Variants in FTSJ3 observed in about 807,000 individuals in gnomAD.
The protein encoded by FTSJ3 is FtsJ RNA 2'-O-methyltransferase 3.
FTSJ3 carries 46 observed loss-of-function variants against 111.5 expected under a neutral mutation model. The ratio of observed to expected loss-of-function variants is 0.41; its 90% CI spans 0.33 to 0.53. FTSJ3 has a LOEUF of 0.53. Among genes scored for constraint, FTSJ3 ranks in the 20% least tolerant of loss-of-function variants. The pLI is 0.19. For missense variants in FTSJ3, 1,075 were observed against 1,063.8 expected (o/e 1.01, Z -0.15); for synonymous variants, 408 against 383.0 (o/e 1.07, Z -0.76).
In FTSJ3 at chr17:63,819,609, C is replaced by T; in HGVS notation, c.*193G>A. ...AGTTCAGCAGTGTTTTCATGGGAGA[C>T]CTTCAGGCAGGCAGGAGGACATCCT... On this transcript the variant is annotated 3_prime_UTR_variant, in exon 21 of 21. Transcript: ENST00000427159. 1 of 584,300 alleles carries T rather than the reference C, an allele frequency of 1.7e-6. No individual in the cohort carries two copies. The highest frequency in any genetic ancestry group is 2.8e-5 in the East Asian group (1 of 35,894). 36.2% of individuals were successfully genotyped at this position (584,300 alleles called of 1,614,324 possible). A position where few individuals can be genotyped will look rare whatever the true frequency, so the allele number is the denominator to read the frequency against.
At position 63,823,903 on chromosome 17, in the gene FTSJ3, C is replaced by T; in HGVS notation, c.1204G>A (p.Glu402Lys). The T allele has an allele frequency of 6.2e-7, 1 of 1,614,222 alleles. No homozygotes were observed. Residue 402 changes from glutamate to lysine, a missense_variant, in exon 13 of 21, where the codon GAG becomes AAG. Coordinates refer to ENST00000427159, the MANE Select transcript of FTSJ3 (RefSeq NM_017647.4). ...REQRKQRERV[E>K]LKMDLPGVSI... ...ACCCCAGGCAGATCCATCTTCAGCT[C>T]CACACGCTCCCGCTGCTTTCTCTGC...
At chr17:63,824,986 C>T in intron 8 of FTSJ3, 57 bp from the exon 9 acceptor site, 2 of 1,583,596 alleles carry the variant, frequency 1.3e-6, no homozygotes, top group Non-Finnish European at 1.7e-6. Flanking sequence ...CTGTAGGACC[C>T]ACCAGGCCCA....
chr17:63,826,760 C>T (rs956209806), intron 2 of FTSJ3, 76 bp downstream of exon 2: 9 of 1,561,210 alleles, frequency 5.8e-6, no homozygotes, highest in Non-Finnish European at 7.9e-6. Context: ...AGGAGAGGTA[C>T]ATAATGGTCG....
intron 5 of FTSJ3, 159 bp from the exon 6 acceptor site, chr17:63,825,794 C>G (rs1352927770): frequency 6.1e-6 from 4 of 658,698 alleles, no homozygotes; most frequent in African/African-American, 1.8e-5. Context: ...TCTCTACCTT[C>G]ATGGAGATTA....
At chr17:63,823,414 T>C (rs1300272884) in intron 13 of FTSJ3, among the ~76,000 whole-genome samples, 2 of 152,058 alleles carry the variant, frequency 1.3e-5, no homozygotes, top group African/African-American at 4.8e-5. Flanking sequence ...GCTAACACGG[T>C]GAAACCCCGT....
At position 63,826,042 on chromosome 17, in the gene FTSJ3, G is replaced by A. The variant is rs770575313; in HGVS notation, c.300+14C>T. ...TCCGTATAAAGGGGGAAGGAAGAGA[G>A]AGACTCCTATTACCTGCCTACAACG... is the stretch of plus-strand genomic sequence containing the variant. On this transcript the variant is annotated intron_variant, in intron 5 of 20. Transcript: ENST00000427159. 1 of 1,586,958 alleles carries A rather than the reference G, an allele frequency of 6.3e-7. No individual in the cohort carries two copies. The highest frequency in any genetic ancestry group is 8.6e-7 in the Non-Finnish European group (1 of 1,158,612).
chr17:63,821,635 A>C lies in FTSJ3; in HGVS notation c.1605T>G (p.Phe535Leu). The change falls in exon 16 of 21, where the codon TTT becomes TTG. Residue 535 changes from phenylalanine to leucine, a missense_variant. Phe to Leu is a conservative substitution (Grantham distance 22). Transcript: ENST00000427159. ...CATCGGCATCGTCCTCGATCCCAGC[A>C]AAGCTGCCCTGTGATAGGAGAACAT... Reference protein sequence around the residue: ...QANLWFSKGSFAGIEDDADEA... With the variant: ...QANLWFSKGSLAGIEDDADEA... 6.2e-7 allele frequency: 1 copy of C among 1,613,420 alleles called. No homozygotes were observed. The highest frequency in any genetic ancestry group is 8.5e-7 in the Non-Finnish European group (1 of 1,179,392).
At position 63,819,887 on chromosome 17, in the gene FTSJ3, T is replaced by C. The variant is rs774244917; in HGVS notation, c.2459A>G (p.His820Arg). Residue 820 changes from histidine to arginine, a missense_variant, in exon 21 of 21, where the codon CAT becomes CGT. His to Arg is a conservative substitution (Grantham distance 29, BLOSUM62 0). This residue lies in a region of FTSJ3 where 867 missense variants were observed against 796.9 expected (regional missense o/e 1.09). Transcript: ENST00000427159. The part of the protein sequence containing the change: ...KVRRPAGVRG[H>R]FKVVDSRMKK... ...CATCCTTGAGTCCACCACCTTGAAA[T>C]GACCTCTGACTCCAGCTGGCCGGCG... 6.2e-7 allele frequency: 1 copy of C among 1,614,186 alleles called. No homozygotes were observed. The highest frequency in any genetic ancestry group is 1.7e-5 in the Admixed American group (1 of 60,034).
rs1037849464 is a variant in FTSJ3 at position 63,823,850 on chromosome 17, G to A, written c.1257C>T (p.Gly419=). Residue 419 remains glycine, a synonymous_variant, in exon 13 of 21, where the codon GGC becomes GGT. Transcript: ENST00000427159. ...CCCGGATGGTGCTCAAGGAGAACAT[G>A]CCAGTCTCCCCCTCGTCTGCAATGG... ...GVSIADEGET[G]MFSLSTIRGH... 4.3e-6 allele frequency: 7 copies of A among 1,613,986 alleles called. No homozygotes were observed. The African/African-American group carries it at 5.3e-5, about 12-fold the overall frequency.
chr17:63,824,755 A>C lies in FTSJ3; in HGVS notation c.817-18T>G. 3.7e-6 allele frequency: 6 copies of C among 1,610,626 alleles called. No homozygotes were observed. The highest frequency in any genetic ancestry group is 5.1e-6 in the Non-Finnish European group (6 of 1,176,848). ...ACCATGATCTGTTTGGGAGGATGGA[A>C]AGGTGTCAGGGGAGATCCTCAGGCC... On this transcript the variant is annotated intron_variant, in intron 9 of 20. Transcript: ENST00000427159.
intron 17 of FTSJ3, 36 bp downstream of exon 17, chr17:63,820,994 G>T (rs1288895933): frequency 6.2e-7 from 1 of 1,608,658 alleles, no homozygotes; most frequent in Non-Finnish European, 8.5e-7. Context: ...GACTTCCAGT[G>T]GTCTTTTCTC....
Position 63,827,442 on chromosome 17 carries a change from T to G in FTSJ3, c.-417A>C. 1 of 1,551,676 alleles carries G rather than the reference T, an allele frequency of 6.4e-7. No homozygotes were observed. Among genetic ancestry groups the G allele is most frequent in the Non-Finnish European group, 8.7e-7 (1 of 1,146,970 alleles). On this transcript the variant is annotated 5_prime_UTR_variant, in exon 1 of 21. Transcript: ENST00000427159. Reference sequence around the variant, plus strand: ...GGTCCCAATCCTCCGCTTCCGCGCTTGCGCGCCAAGACGGCTCGGATGCCG... The same window carrying G: ...GGTCCCAATCCTCCGCTTCCGCGCTGGCGCGCCAAGACGGCTCGGATGCCG...
At position 63,819,571 on chromosome 17, in the gene FTSJ3, T is replaced by C; in HGVS notation, c.*231A>G. The C allele has an allele frequency of 2.0e-6, 1 of 497,822 alleles. No individual in the cohort carries two copies. The highest frequency in any genetic ancestry group is 3.6e-6 in the Non-Finnish European group (1 of 281,384). The allele number at this position is 497,822 out of a possible 1,614,324, so 30.8% of individuals were successfully genotyped here. A position where few individuals can be genotyped will look rare whatever the true frequency, so the allele number is the denominator to read the frequency against. ...CTTTAACGGTTTAAAAAAAGGGTCA[T>C]GAGTGTCAACACAGTTCAGCAGTGT... On this transcript the variant is annotated 3_prime_UTR_variant, in exon 21 of 21. Transcript: ENST00000427159.
At position 63,823,949 on chromosome 17, in the gene FTSJ3, C is replaced by G; in HGVS notation, c.1158G>C (p.Lys386Asn). ...KAQEVAELKR[K>N]KKKLLREQRK... Reference sequence around the variant, plus strand: ...TCTGCTCACGCAACAGCTTCTTTTTCTTCCTGAGGGGGTGGATTGAGGGAG... The same window carrying G: ...TCTGCTCACGCAACAGCTTCTTTTTGTTCCTGAGGGGGTGGATTGAGGGAG... Residue 386 changes from lysine to asparagine, a missense_variant, in exon 13 of 21, where the codon AAG becomes AAC. Around this residue, in one of 2 missense-constraint regions of FTSJ3, gnomAD observed 867 missense variants for 796.9 expected, o/e 1.09. Transcript: ENST00000427159. The G allele has an allele frequency of 6.2e-7, 1 of 1,614,222 alleles. No individual in the cohort carries two copies. The highest frequency in any genetic ancestry group is 8.5e-7 in the Non-Finnish European group (1 of 1,180,034).
In FTSJ3 at chr17:63,827,407, C is replaced by T; in HGVS notation, c.-382G>A. On this transcript the variant is annotated 5_prime_UTR_variant, in exon 1 of 21. Coordinates refer to ENST00000427159, the MANE Select transcript of FTSJ3 (RefSeq NM_017647.4). ...CCATTGACCCGGAATTCTTCTCTGC[C>T]TGGTCTTCAGGTCCCAATCCTCCGC... The T allele has an allele frequency of 3.2e-6, 5 of 1,543,174 alleles. No homozygotes were observed. The highest frequency in any genetic ancestry group is 4.4e-6 in the Non-Finnish European group (5 of 1,139,456).
chr17:63,823,423 G>A (rs1326775877), intron 13 of FTSJ3, among the ~76,000 whole-genome samples: 1 of 152,046 alleles, frequency 6.6e-6, no homozygotes, highest in African/African-American at 2.4e-5. Context: ...GTGAAACCCC[G>A]TCTCTACTAA....
chr17:63,823,343 C>G (rs1000752852), intron 13 of FTSJ3, among the ~76,000 whole-genome samples: 3 of 152,204 alleles, frequency 2.0e-5, no homozygotes, highest in Non-Finnish European at 4.4e-5. Flanking sequence ...CGCCTGTAAT[C>G]CCAGCACTTT....
At position 63,826,041 on chromosome 17, in the gene FTSJ3, A is replaced by C; in HGVS notation, c.300+15T>G. 1 of 1,584,608 alleles carries C rather than the reference A, an allele frequency of 6.3e-7. No individual in the cohort carries two copies. Among genetic ancestry groups the C allele is most frequent in the Non-Finnish European group, 8.6e-7 (1 of 1,156,640 alleles). On this transcript the variant is annotated intron_variant, in intron 5 of 20. Coordinates refer to ENST00000427159, the MANE Select transcript of FTSJ3 (RefSeq NM_017647.4). ...TTCCGTATAAAGGGGGAAGGAAGAG[A>C]GAGACTCCTATTACCTGCCTACAAC...
Position 63,821,504 on chromosome 17 carries a change from T to G in FTSJ3, c.1736A>C (p.Lys579Thr), listed in dbSNP as rs745687474. The G allele has an allele frequency of 1.2e-6, 2 of 1,614,204 alleles. No homozygotes were observed. Among genetic ancestry groups the G allele is most frequent in the South Asian group, 1.1e-5 (1 of 91,088 alleles). ...QLPQTPPSCL[K>T]TEIMSPLYQD... ...GTACAGGGGAGACATTATCTCAGTC[T>G]TCAAACAGGAAGGGGGTGTCTGTGG... Residue 579 changes from lysine (K) to threonine (T), a missense_variant, in exon 16 of 21, where the codon AAG becomes ACG. Lys to Thr is a moderately conservative substitution (Grantham distance 78). Coordinates refer to ENST00000427159, the MANE Select transcript of FTSJ3 (RefSeq NM_017647.4).
Sources: allele counts gnomAD v4.1 joint callset (sites outside exome capture counted in the v4.1 genomes callset), GRCh38; gene constraint gnomAD v4.1.1; regional missense constraint gnomAD v4.1.1; transcripts MANE v1.5; gene names NCBI Gene and HGNC (gene_info 2026-07-23, HGNC 2026-07-21).